The following TGFBR3 variants were observed in gnomAD, a reference collection of about 807,000 sequenced individuals.
The protein encoded by TGFBR3 is transforming growth factor beta receptor type 3.
A neutral mutation model predicts 87.9 loss-of-function variants in TGFBR3; 46 were observed. The observed-to-expected ratio is 0.52, with a 90% CI of 0.41 to 0.67. The LOEUF is 0.67. TGFBR3 is among the 30% of genes least tolerant of loss of function. The pLI is 0.00. For missense variants in TGFBR3, 866 were observed against 1,041.9 expected, an observed-to-expected ratio of 0.83 and a Z score of 2.32; for synonymous variants, 381 against 391.6, an observed-to-expected ratio of 0.97 and a Z score of 0.32.
At chr1:91,901,937 C>CCAA (rs1679729590) in intron 1 of TGFBR3, among the ~76,000 whole-genome samples, 1 of 92,802 alleles carries the variant, frequency 1.1e-5, no homozygotes. Context: ...CCCACCCCAC[C>CCAA]AAAAGAAAAA....
chr1:91,691,635 C>T (rs1162488911), intron 16 of TGFBR3, among the ~76,000 whole-genome samples: 1 of 152,178 alleles, frequency 6.6e-6, no homozygotes, highest in Non-Finnish European at 1.5e-5. Flanking sequence ...GCAGGAGATA[C>T]ATGACACAGG....
Position 91,698,864 on chromosome 1 carries a change from A to T in TGFBR3, c.2288-734T>A, listed in dbSNP as rs138757144. ...TTTCTAAAAGTATCTTTGTTCTCCTAGCCTTAGTGCTATTATCCTATAGTT... is the reference window on the plus strand; with the variant it reads ...TTTCTAAAAGTATCTTTGTTCTCCTTGCCTTAGTGCTATTATCCTATAGTT... On this transcript the variant is annotated intron_variant, in intron 14 of 16. Transcript: ENST00000212355. Among the ~76,000 whole-genome samples the T allele has an allele frequency of 3.5e-4, 53 of 152,182 alleles. No homozygotes were observed. The East Asian group carries it at 9.9e-3, about 28-fold the overall frequency.
At chr1:91,808,971 T>G (rs1675934168) in intron 2 of TGFBR3, among the ~76,000 whole-genome samples, 1 of 152,208 alleles carries the variant, frequency 6.6e-6, no homozygotes, top group Non-Finnish European at 1.5e-5. Context: ...TTTTTTCTCC[T>G]ACCCTATGAA....
intron 4 of TGFBR3, among the ~76,000 whole-genome samples, chr1:91,743,810 T>C (rs1458592465): frequency 6.6e-6 from 1 of 152,244 alleles, no homozygotes; most frequent in Non-Finnish European, 1.5e-5. Flanking sequence ...ACAAATGCCA[T>C]GAGCAACCAC....
intron 2 of TGFBR3, among the ~76,000 whole-genome samples, chr1:91,844,747 G>A (rs888869069): frequency 1.3e-5 from 2 of 152,150 alleles, no homozygotes; most frequent in Non-Finnish European, 2.9e-5. Flanking sequence ...ATACAAGTAG[G>A]TCTTGTTATA....
Position 91,847,402 on chromosome 1 carries a change from G to A in TGFBR3, c.61+14069C>T, listed in dbSNP as rs369788444. The stretch of plus-strand genomic sequence containing the variant: ...GCAGATCACCTGAGGTTGGGAGTTC[G>A]AGACCAGCCTGAGCAACATGGAGAA... On this transcript the variant is annotated intron_variant, in intron 2 of 16. Coordinates refer to ENST00000212355, the MANE Select transcript of TGFBR3 (RefSeq NM_003243.5). Among the ~76,000 whole-genome samples the A allele has an allele frequency of 9.9e-5, 15 of 152,064 alleles. No individual in the cohort carries two copies. In the South Asian group the frequency reaches 2.9e-3, roughly 29 times the overall value.
intron 2 of TGFBR3, among the ~76,000 whole-genome samples, chr1:91,858,654 T>C (rs1371991503): frequency 6.7e-6 from 1 of 150,026 alleles, no homozygotes; most frequent in South Asian, 2.1e-4. Context: ...CTCTTCTTCA[T>C]TCATTTGATC....
rs1426260293 is a variant in TGFBR3, at chr1:91,839,628, A to G, written c.61+21843T>C. On this transcript the variant is annotated intron_variant, in intron 2 of 16. Coordinates refer to ENST00000212355, the MANE Select transcript of TGFBR3 (RefSeq NM_003243.5). ...TTCTTCCAAATGACACATAACCTCAATGTAATCCTGAGAGAATGTCAGGAA... is the reference window on the plus strand; with the variant it reads ...TTCTTCCAAATGACACATAACCTCAGTGTAATCCTGAGAGAATGTCAGGAA... Among the ~76,000 whole-genome samples, 2 of 152,230 alleles carry G rather than the reference A, an allele frequency of 1.3e-5. 1 individual carries two copies. The highest frequency in any genetic ancestry group is 4.2e-4 in the South Asian group (2 of 4,816).
At chr1:91,751,415 C>G (rs55884338) in intron 4 of TGFBR3, among the ~76,000 whole-genome samples, 1 of 152,068 alleles carries the variant, frequency 6.6e-6, no homozygotes, top group South Asian at 2.1e-4. Context: ...ATGGGCTGTG[C>G]GTGTCCCTTC....
intron 2 of TGFBR3, among the ~76,000 whole-genome samples, chr1:91,804,105 G>A (rs1028345747): frequency 6.6e-6 from 1 of 152,076 alleles, no homozygotes; most frequent in African/African-American, 2.4e-5. Flanking sequence ...GTGCCAATAA[G>A]GGACTGTCTG....
chr1:91,874,507 A>G (rs573578958), intron 1 of TGFBR3, among the ~76,000 whole-genome samples: 1 of 152,152 alleles, frequency 6.6e-6, no homozygotes, highest in Non-Finnish European at 1.5e-5. Flanking sequence ...TAAACAGTAG[A>G]GTGGTTTTTT....
At chr1:91,756,262 C>T (rs1484070467) in intron 4 of TGFBR3, among the ~76,000 whole-genome samples, 1 of 152,170 alleles carries the variant, frequency 6.6e-6, no homozygotes, top group Non-Finnish European at 1.5e-5. Context: ...GACAGTATAG[C>T]TCTACAGTAT....
intron 4 of TGFBR3, among the ~76,000 whole-genome samples, chr1:91,752,216 C>G (rs1236553613): frequency 6.6e-6 from 1 of 152,140 alleles, no homozygotes; most frequent in Non-Finnish European, 1.5e-5. Flanking sequence ...ACAATGAATA[C>G]TTTTTCAGTA....
At chr1:91,764,317 C>CAAAAAAA (rs200776741) in intron 3 of TGFBR3, among the ~76,000 whole-genome samples, 7 of 77,354 alleles carry the variant, frequency 9.0e-5, no homozygotes, top group South Asian at 5.1e-4. Context: ...ACAAAAGAGA[C>CAAAAAAA]AAAAAAAAAA....
chr1:91,707,824 A>G (rs1292288919), intron 14 of TGFBR3, among the ~76,000 whole-genome samples: 4 of 152,168 alleles, frequency 2.6e-5, no homozygotes, highest in African/African-American at 9.7e-5. Context: ...CACCCCTCAG[A>G]TGCTGACAGC....
chr1:91,872,395 C>A (rs1031860732), intron 1 of TGFBR3, among the ~76,000 whole-genome samples: 10 of 152,184 alleles, frequency 6.6e-5, no homozygotes, highest in African/African-American at 2.4e-4. Context: ...TCAGGGACAA[C>A]CCCTTATCTT....
Position 91,682,045 on chromosome 1 carries a change from GAAAAA to G in TGFBR3, c.*1689_*1693del. ...TGTTTTAGTTAAAATGTTCCTTATT[GAAAAA>G]AAAAAATGTTCCTTATTGAATGTGT... On this transcript the variant is annotated 3_prime_UTR_variant, in exon 17 of 17. Transcript: ENST00000212355. 1 of 377,772 alleles carries G rather than the reference GAAAAA, an allele frequency of 2.6e-6. No individual in the cohort carries two copies. Among genetic ancestry groups the G allele is most frequent in the South Asian group, 2.0e-5 (1 of 50,662 alleles). The allele number at this position is 377,772 out of a possible 1,614,324, so 23.4% of individuals were successfully genotyped here. A position where few individuals can be genotyped will look rare whatever the true frequency, so the allele number is the denominator to read the frequency against.
intron 3 of TGFBR3, among the ~76,000 whole-genome samples, chr1:91,762,371 A>G (rs1235732182): frequency 6.6e-6 from 1 of 152,222 alleles, no homozygotes; most frequent in African/African-American, 2.4e-5. Flanking sequence ...TAAGAACCCC[A>G]TCGTAAAAGA....
chr1:91,721,407 G>A (rs1170537546), intron 8 of TGFBR3, among the ~76,000 whole-genome samples: 1 of 152,196 alleles, frequency 6.6e-6, no homozygotes, highest in Non-Finnish European at 1.5e-5. Flanking sequence ...ATTTCACTCA[G>A]TGGTGGTACC....
Sources: gnomAD v4.1 joint callset for allele counts (sites outside exome capture counted in the v4.1 genomes callset) on GRCh38, gnomAD v4.1.1 for gene constraint, MANE v1.5 for transcripts, NCBI Gene and HGNC (gene_info 2026-07-23, HGNC 2026-07-21) for gene names.